DAG1: variants seen among roughly 807,000 people sequenced by gnomAD.
DAG1 encodes dystroglycan 1, also known as dystroglycan 1 (dystrophin-associated glycoprotein 1).
A neutral mutation model predicts 46.1 loss-of-function variants in DAG1; 8 were observed. The ratio of observed to expected loss-of-function variants is 0.17; its 90% CI spans 0.10 to 0.31. DAG1 has a LOEUF of 0.31. Among genes scored for constraint, DAG1 ranks in the 10% least tolerant of loss-of-function variants. DAG1 has a pLI of 1.00. For synonymous variants in DAG1, 495 were observed against 481.8 expected (o/e 1.03, Z -0.36); for missense variants, 1,003 against 1,189.9 (o/e 0.84, Z 2.31).
Position 49,490,880 on chromosome 3 carries a change from CTT to C in DAG1, c.-116-19517_-116-19516del, listed in dbSNP as rs972440561. Among the ~76,000 whole-genome samples the C allele has an allele frequency of 3.1e-3, 268 of 87,822 alleles. 1 individual carries two copies. The highest frequency in any genetic ancestry group is 0.011 in the African/African-American group (236 of 21,082). The allele number at this position is 87,822 out of a possible 152,430, so 57.6% of individuals were successfully genotyped here. ...CCACAACCTGGCCTACTCCTAAATTCTTTTTTTTTTTTTTTTTTTTTTTGAGA... is the reference window on the plus strand; with the variant it reads ...CCACAACCTGGCCTACTCCTAAATTCTTTTTTTTTTTTTTTTTTTTTGAGA... On this transcript the variant is annotated intron_variant, in intron 1 of 2. Coordinates refer to ENST00000308775, the MANE Select transcript of DAG1 (RefSeq NM_004393.6).
chr3:49,498,941 C>G (rs1392948861), intron 1 of DAG1, among the ~76,000 whole-genome samples: 1 of 152,154 alleles, frequency 6.6e-6, no homozygotes, highest in Non-Finnish European at 1.5e-5. Context: ...AAGTCCTCAG[C>G]TCAAGCAATC....
intron 2 of DAG1, among the ~76,000 whole-genome samples, chr3:49,529,462 C>A (rs902914651): frequency 2.6e-5 from 4 of 152,198 alleles, no homozygotes; most frequent in Admixed American, 6.5e-5. Flanking sequence ...CTTTCCAAAT[C>A]ACTCAAGTAC....
At chr3:49,523,649 G>C (rs2051096538) in intron 2 of DAG1, among the ~76,000 whole-genome samples, 1 of 152,176 alleles carries the variant, frequency 6.6e-6, no homozygotes, top group African/African-American at 2.4e-5. Flanking sequence ...TGTGCACTGG[G>C]TCCAAGGTCA....
intron 1 of DAG1, among the ~76,000 whole-genome samples, chr3:49,474,377 G>A (rs1162895657): frequency 2.0e-5 from 3 of 151,400 alleles, no homozygotes; most frequent in East Asian, 2.0e-4. Context: ...GTGGAGTTTC[G>A]CTCCTTTGCC....
intron 1 of DAG1, among the ~76,000 whole-genome samples, chr3:49,506,454 A>G (rs2050609319): frequency 1.3e-5 from 2 of 152,206 alleles, no homozygotes; most frequent in South Asian, 4.1e-4. Flanking sequence ...CTCTTTATCA[A>G]GTTGAAGAAG....
intron 1 of DAG1, among the ~76,000 whole-genome samples, chr3:49,485,394 C>T (rs1040753887): frequency 6.6e-6 from 1 of 152,098 alleles, no homozygotes; most frequent in Non-Finnish European, 1.5e-5. Flanking sequence ...GTTGTAATGA[C>T]CCTGAAACCG....
At chr3:49,519,541 G>A (rs113175944) in intron 2 of DAG1, among the ~76,000 whole-genome samples, 1 of 152,148 alleles carries the variant, frequency 6.6e-6, no homozygotes, top group African/African-American at 2.4e-5. Flanking sequence ...TGGCAGCCCC[G>A]CCTGTGTGAG....
intron 2 of DAG1, among the ~76,000 whole-genome samples, chr3:49,512,566 A>G (rs1164562817): frequency 6.6e-6 from 1 of 151,146 alleles, no homozygotes; most frequent in Non-Finnish European, 1.5e-5. Flanking sequence ...TAATTTTTGT[A>G]TTTTTAGTAC....
intron 1 of DAG1, among the ~76,000 whole-genome samples, chr3:49,508,597 A>G (rs2050675636): frequency 6.6e-6 from 1 of 152,070 alleles, no homozygotes; most frequent in African/African-American, 2.4e-5. Flanking sequence ...ACGGGGTTTC[A>G]CCATGTTGGC....
At chr3:49,526,024 T>C (rs2051161676) in intron 2 of DAG1, among the ~76,000 whole-genome samples, 1 of 152,124 alleles carries the variant, frequency 6.6e-6, no homozygotes, top group Non-Finnish European at 1.5e-5. Flanking sequence ...CTAATTTTCG[T>C]ATTTTTAGTA....
intron 1 of DAG1, among the ~76,000 whole-genome samples, chr3:49,493,210 A>G (rs1434109311): frequency 6.6e-6 from 1 of 151,120 alleles, no homozygotes; most frequent in African/African-American, 2.4e-5. Flanking sequence ...CACTCAGCCA[A>G]TTTTTTCATA....
intron 1 of DAG1, among the ~76,000 whole-genome samples, chr3:49,497,613 CA>C (rs956949050): frequency 1.1e-4 from 16 of 143,882 alleles, no homozygotes; most frequent in Admixed American, 2.1e-4. Context: ...GACTGTCTCT[CA>C]AAAAAAAAAT....
At chr3:49,517,095 G>A (rs2050919004) in intron 2 of DAG1, among the ~76,000 whole-genome samples, 1 of 149,508 alleles carries the variant, frequency 6.7e-6, no homozygotes, top group Non-Finnish European at 1.5e-5. Flanking sequence ...CCAGGTTCAT[G>A]CCATTCTCCT....
chr3:49,477,198 T>C (rs898103295), intron 1 of DAG1, among the ~76,000 whole-genome samples: 10 of 152,064 alleles, frequency 6.6e-5, no homozygotes, highest in Non-Finnish European at 1.5e-4. Context: ...GGTTTCTCCA[T>C]GTTGGTCGGG....
At chr3:49,496,353 C>CTTT (rs752449720) in intron 1 of DAG1, among the ~76,000 whole-genome samples, 10 of 84,118 alleles carry the variant, frequency 1.2e-4, no homozygotes, top group Non-Finnish European at 1.6e-4. Context: ...AAATTTTTAA[C>CTTT]TTTTTTTTTT....
At chr3:49,482,680 C>G (rs1002600263) in intron 1 of DAG1, among the ~76,000 whole-genome samples, 1 of 152,070 alleles carries the variant, frequency 6.6e-6, no homozygotes, top group African/African-American at 2.4e-5. Flanking sequence ...AAATATTACA[C>G]CATTTTATAT....
At position 49,533,481 on chromosome 3, in the gene DAG1, A is replaced by G. The variant is rs1357910763; in HGVS notation, c.*282A>G. 3.3e-6 allele frequency: 2 copies of G among 614,302 alleles called. No individual in the cohort carries two copies. Among genetic ancestry groups the G allele is most frequent in the African/African-American group, 1.8e-5 (1 of 55,280 alleles). 38.1% of individuals were successfully genotyped at this position (614,302 alleles called of 1,614,324 possible). On this transcript the variant is annotated 3_prime_UTR_variant, in exon 3 of 3. Coordinates refer to ENST00000308775, the MANE Select transcript of DAG1 (RefSeq NM_004393.6). ...CTTCATTTTTGATGGCTGGCTCTGA[A>G]AGCACCATGTGGAGTGGAGGTGGAG... is the stretch of plus-strand genomic sequence containing the variant.
chr3:49,527,553 A>G (rs2051213652), intron 2 of DAG1, among the ~76,000 whole-genome samples: 1 of 150,350 alleles, frequency 6.7e-6, no homozygotes, highest in African/African-American at 2.4e-5. Flanking sequence ...AACACGAAAA[A>G]TTAGCCAGGC....
At chr3:49,479,606 C>T (rs1168120167) in intron 1 of DAG1, among the ~76,000 whole-genome samples, 8 of 146,884 alleles carry the variant, frequency 5.4e-5, no homozygotes, top group Non-Finnish European at 7.5e-5. Context: ...CAGGCCCCTG[C>T]GCCGGCCTGA....
Sources: gnomAD v4.1 joint callset for allele counts (sites outside exome capture counted in the v4.1 genomes callset) on GRCh38, gnomAD v4.1.1 for gene constraint, MANE v1.5 for transcripts, NCBI Gene and HGNC (gene_info 2026-07-23, HGNC 2026-07-21) for gene names.